The following TRPM7 variants were observed in gnomAD, a reference collection of about 807,000 sequenced individuals.
TRPM7 encodes transient receptor potential cation channel subfamily M member 7.
Under a neutral mutation model 229.7 loss-of-function variants are expected in TRPM7, and 134 were observed. That is an observed-to-expected ratio of 0.58 (90% confidence interval 0.51 to 0.67). The LOEUF (loss-of-function observed/expected upper bound fraction) is 0.67. TRPM7 is among the 30% of genes least tolerant of loss of function. The probability of loss-of-function intolerance (pLI) is 0.00; values close to 1 mark genes in which losing one functional copy is unlikely to be tolerated. For synonymous variants in TRPM7, 699 were observed against 715.2 expected (o/e 0.98, Z 0.36); for missense variants, 1,901 against 2,210.0 (o/e 0.86, Z 2.80).
At chr15:50,683,243 A>C (rs1040673517) in intron 1 of TRPM7, among the ~76,000 whole-genome samples, 3 of 152,026 alleles carry the variant, frequency 2.0e-5, no homozygotes, top group African/African-American at 7.2e-5. Flanking sequence ...TAAAAAAAAA[A>C]AACTGCAATT....
chr15:50,652,543 T>C (rs548762937), intron 3 of TRPM7, among the ~76,000 whole-genome samples: 4 of 132,566 alleles, frequency 3.0e-5, no homozygotes, highest in South Asian at 2.4e-4. Flanking sequence ...AAAAAAAAAA[T>C]CATTAATACA....
At chr15:50,683,441 A>G (rs1436839502) in intron 1 of TRPM7, among the ~76,000 whole-genome samples, 4 of 151,938 alleles carry the variant, frequency 2.6e-5, no homozygotes, top group African/African-American at 9.7e-5. Flanking sequence ...AACATTTAAA[A>G]AAAAAAAAAG....
intron 23 of TRPM7, 131 bp downstream of exon 23, chr15:50,596,124 T>C: frequency 2.0e-6 from 1 of 504,802 alleles, no homozygotes; most frequent in Non-Finnish European, 3.1e-6. Context: ...TATTTGTAAT[T>C]TTTCAAATAT....
intron 15 of TRPM7, 37 bp downstream of exon 15, chr15:50,613,670 T>A (rs2060128594): frequency 6.8e-7 from 1 of 1,462,076 alleles, no homozygotes; most frequent in Non-Finnish European, 9.0e-7. Context: ...AAGAAGAAAA[T>A]AAAAACCCAG....
intron 1 of TRPM7, among the ~76,000 whole-genome samples, chr15:50,663,505 C>G (rs2061789325): frequency 6.6e-6 from 1 of 152,140 alleles, no homozygotes; most frequent in Admixed American, 6.6e-5. Context: ...CCCAAAACGT[C>G]AGAATAATTC....
At chr15:50,628,289 T>A in intron 10 of TRPM7, 40 bp from the exon 11 acceptor site, 3 of 1,424,390 alleles carry the variant, frequency 2.1e-6, no homozygotes. Context: ...TTCAATTAAT[T>A]TATCTCCATT....
chr15:50,617,626 C>T lies in TRPM7; in HGVS notation c.1494+2119G>A, dbSNP rs2060264605. 1.3e-5 allele frequency among the ~76,000 whole-genome samples: 2 copies of T among 151,932 alleles called. 1 individual carries two copies. Among genetic ancestry groups the T allele is most frequent in the South Asian group, 4.2e-4 (2 of 4,816 alleles). The stretch of plus-strand genomic sequence containing the variant: ...AAATCACATTTTTAAAAAACATCCT[C>T]AAGGCTGTTAAAATGACATTTCTAA... On this transcript the variant is annotated intron_variant, in intron 13 of 38. Transcript: ENST00000646667.
At chr15:50,629,855 T>C (rs190695433) in intron 10 of TRPM7, among the ~76,000 whole-genome samples, 9 of 139,472 alleles carry the variant, frequency 6.5e-5, no homozygotes, top group Admixed American at 5.7e-4. Context: ...ACTCTCTTTT[T>C]AACCTTTTTT....
intron 21 of TRPM7, among the ~76,000 whole-genome samples, chr15:50,603,055 C>G (rs1044193011): frequency 2.0e-5 from 3 of 152,148 alleles, no homozygotes; most frequent in African/African-American, 7.2e-5. Context: ...AAAACCTTAA[C>G]TGCCCTATTT....
chr15:50,679,986 C>A (rs2062206611), intron 1 of TRPM7, among the ~76,000 whole-genome samples: 1 of 151,152 alleles, frequency 6.6e-6, no homozygotes, highest in African/African-American at 2.4e-5. Flanking sequence ...GTAATCCCAG[C>A]ACTTTGGGGG....
At position 50,592,139 on chromosome 15, in the gene TRPM7, G is replaced by A. The variant is rs1224629019; in HGVS notation, c.4096C>T (p.Arg1366Ter). 1.6e-5 allele frequency: 26 copies of A among 1,613,192 alleles called. No homozygotes were observed. Among genetic ancestry groups the A allele is most frequent in the African/African-American group, 2.7e-5 (2 of 74,830 alleles). ...AGTTCTACCCCATGTAGTCTCTGTC[G>A]CAGTTCTGGAGGGGAAACAGCACTT... ...FPSAVSPPEL[R>*]QRLHGVELLK... Residue 1366 changes from arginine (R) to a stop codon, truncating the protein, a stop_gained, in exon 26 of 39, where the codon CGA becomes TGA. Transcript: ENST00000646667. LOFTEE classifies it high-confidence loss of function.
At chr15:50,619,650 C>T in intron 13 of TRPM7, 95 bp downstream of exon 13, 1 of 1,106,894 alleles carries the variant, frequency 9.0e-7, no homozygotes, top group Non-Finnish European at 1.3e-6. Context: ...ATTGGTATTT[C>T]TAAAATGTAT....
chr15:50,616,931 C>T (rs1200201208), intron 13 of TRPM7, among the ~76,000 whole-genome samples: 3 of 151,816 alleles, frequency 2.0e-5, no homozygotes, highest in East Asian at 1.9e-4. Context: ...CTGGGTCTGG[C>T]CAATATACAC....
intron 36 of TRPM7, among the ~76,000 whole-genome samples, chr15:50,572,362 AC>A (rs1168868167): frequency 6.6e-6 from 1 of 152,204 alleles, no homozygotes; most frequent in East Asian, 1.9e-4. Context: ...GCAGTCATCA[AC>A]ATGGAGGCCA....
chr15:50,669,201 G>A (rs1366009822), intron 1 of TRPM7, among the ~76,000 whole-genome samples: 2 of 152,136 alleles, frequency 1.3e-5, no homozygotes, highest in African/African-American at 2.4e-5. Flanking sequence ...CAGCACATTG[G>A]GAGGCTGAGG....
intron 7 of TRPM7, among the ~76,000 whole-genome samples, chr15:50,636,063 C>T (rs2060895339): frequency 6.6e-6 from 1 of 151,608 alleles, no homozygotes; most frequent in Non-Finnish European, 1.5e-5. Context: ...AATTCCAAGA[C>T]CTCTAGAAGA....
At chr15:50,631,374 A>G (rs1453715545) in intron 10 of TRPM7, 43 bp downstream of exon 10, 9 of 1,288,336 alleles carry the variant, frequency 7.0e-6, no homozygotes, top group Non-Finnish European at 1.0e-5. Flanking sequence ...ATACATACAT[A>G]AAATAAAAGG....
Position 50,686,598 on chromosome 15 carries a change from C to T in TRPM7, c.-65G>A. On this transcript the variant is annotated 5_prime_UTR_variant, in exon 1 of 39. The change creates a premature stop within an existing upstream ORF in the 5' untranslated region. Transcript: ENST00000646667. ...CCTCCTCCTCCTCCGCGGCCTGTAG[C>T]CATCTATCGGGAAGCGTCTCCGGAG... The T allele has an allele frequency of 6.3e-7, 1 of 1,596,684 alleles. No homozygotes were observed. Among genetic ancestry groups the T allele is most frequent in the Non-Finnish European group, 8.5e-7 (1 of 1,171,872 alleles).
Position 50,611,162 on chromosome 15 carries a change from G to C in TRPM7, c.2211C>G (p.Thr737=), listed in dbSNP as rs769825827. The change falls in exon 17 of 39, where the codon ACC becomes ACG. Residue 737 remains threonine (T), a synonymous_variant. Coordinates refer to ENST00000646667, the MANE Select transcript of TRPM7 (RefSeq NM_017672.6). ...SSRLRPFVAH[T]CTQMLLSDMW... is the part of the protein sequence containing the mutation. ...TATCAGATAACAACATTTGTGTACA[G>C]GTGTGAGCTACAAAAGGTCTAAGTC... is the stretch of plus-strand genomic sequence containing the variant. The C allele has an allele frequency of 1.2e-6, 2 of 1,613,908 alleles. No individual in the cohort carries two copies. Among genetic ancestry groups the C allele is most frequent in the South Asian group, 1.1e-5 (1 of 91,076 alleles).
Sources: gnomAD v4.1 joint callset for allele counts (sites outside exome capture counted in the v4.1 genomes callset) on GRCh38, gnomAD v4.1.1 for gene constraint, MANE v1.5 for transcripts, NCBI Gene and HGNC (gene_info 2026-07-23, HGNC 2026-07-21) for gene names.